Variants in ACSF3 observed in about 807,000 individuals in gnomAD.
The protein encoded by ACSF3 is acyl-CoA synthetase family member 3, also known as malonate--CoA ligase ACSF3, mitochondrial.
Under a neutral mutation model 53.2 loss-of-function variants are expected in ACSF3, and 78 were observed. The ratio of observed to expected loss-of-function variants is 1.47; its 90% CI spans 1.22 to 1.77. ACSF3 has a LOEUF of 1.77. Ranked by LOEUF, ACSF3 falls within the 40% of genes most tolerant of loss-of-function variation. The pLI is 0.00. For synonymous variants in ACSF3, 414 were observed against 333.1 expected, an observed-to-expected ratio of 1.24 and a Z score of -2.65; for missense variants, 937 against 771.1, an observed-to-expected ratio of 1.22 and a Z score of -2.55.
Position 89,100,690 on chromosome 16 carries a change from C to T in ACSF3, c.9C>T (p.Pro3=). ML[P]HVVLTFRRLG... ...GGCCGCCTGTCAGTGCAATGCTGCC[C>T]CATGTGGTGCTCACCTTCCGGCGCC... Residue 3 remains proline (P), a synonymous_variant, in exon 3 of 11, where the codon CCC becomes CCT. Transcript: ENST00000614302. 1 of 1,600,076 alleles carries T rather than the reference C, an allele frequency of 6.2e-7. No individual in the cohort carries two copies. The highest frequency in any genetic ancestry group is 8.5e-7 in the Non-Finnish European group (1 of 1,179,502).
At chr16:89,136,613 G>A (rs1365270310) in intron 8 of ACSF3, 1 of 1,287,114 alleles carries the variant, frequency 7.8e-7, no homozygotes, top group Non-Finnish European at 1.0e-6. Flanking sequence ...GGGATGGCTG[G>A]ACACAGCTGA....
intron 9 of ACSF3, 53 bp downstream of exon 9, chr16:89,145,454 CATGTTTGAGTTT>C: frequency 6.2e-7 from 1 of 1,606,636 alleles, no homozygotes; most frequent in Admixed American, 1.7e-5. Flanking sequence ...TGCTGCCTTC[CATGTTTGAGTTT>C]TAGACGACTG....
intron 6 of ACSF3, 102 bp from the exon 7 acceptor site, chr16:89,120,699 G>A (rs1340061343): frequency 1.1e-5 from 13 of 1,132,860 alleles, no homozygotes; most frequent in Non-Finnish European, 1.5e-5. Flanking sequence ...ACTCCCGCAC[G>A]TGGCACACGG....
intron 3 of ACSF3, among the ~76,000 whole-genome samples, chr16:89,101,608 C>T (rs1402087656): frequency 1.3e-5 from 2 of 152,182 alleles, no homozygotes; most frequent in South Asian, 2.1e-4. Flanking sequence ...GACCATGCGG[C>T]ATGAGGTCAG....
intron 7 of ACSF3, among the ~76,000 whole-genome samples, chr16:89,130,676 G>A (rs1418943452): frequency 1.3e-5 from 2 of 152,230 alleles, no homozygotes; most frequent in African/African-American, 4.8e-5. Flanking sequence ...CTGTGTGTCA[G>A]TGATTGGATT....
chr16:89,124,474 A>G (rs978948266), intron 7 of ACSF3, among the ~76,000 whole-genome samples: 4 of 97,202 alleles, frequency 4.1e-5, no homozygotes, highest in Non-Finnish European at 9.4e-5. Flanking sequence ...CATGTGTGAT[A>G]CCCGTGCACA....
At position 89,114,385 on chromosome 16, in the gene ACSF3, A is replaced by G. The variant is rs780881397; in HGVS notation, c.1024A>G (p.Lys342Glu). Residue 342 changes from lysine (K) to glutamate (E), a missense_variant, in exon 6 of 11, where the codon AAG becomes GAG. Transcript: ENST00000614302. Reference sequence around the variant, plus strand: ...TGCCCTGCCCCTCCCAGTGCTGGAGAAGTGGAAGAACATCACGGGCCACAC... The same window carrying G: ...TGCCCTGCCCCTCCCAGTGCTGGAGGAGTGGAAGAACATCACGGGCCACAC... ...SAALPLPVLE[K>E]WKNITGHTLL... is the part of the protein sequence containing the mutation. The G allele has an allele frequency of 3.7e-6, 6 of 1,613,966 alleles. No homozygotes were observed. Among genetic ancestry groups the G allele is most frequent in the Non-Finnish European group, 5.1e-6 (6 of 1,179,990 alleles).
At position 89,136,882 on chromosome 16, in the gene ACSF3, A is replaced by G. The variant is rs1187053548; in HGVS notation, c.1366+3620A>G. ...TCTTCAGACGTCAAAGGTCTGTCTC[A>G]GGTAACTCCTCTGACGGCCACAACG... On this transcript the variant is annotated intron_variant, in intron 8 of 10. Coordinates refer to ENST00000614302, the MANE Select transcript of ACSF3 (RefSeq NM_001243279.3). 4 of 1,253,366 alleles carry G rather than the reference A, an allele frequency of 3.2e-6. No homozygotes were observed. The African/African-American group carries it at 4.6e-5, about 14-fold the overall frequency. The allele number at this position is 1,253,366 out of a possible 1,614,324, so 77.6% of individuals were successfully genotyped here.
chr16:89,137,011 G>A (rs529017068), intron 8 of ACSF3, among the ~76,000 whole-genome samples: 3 of 152,298 alleles, frequency 2.0e-5, no homozygotes, highest in Admixed American at 6.5e-5. Flanking sequence ...AGACACACGC[G>A]CACATTTGCC....
At chr16:89,112,601 C>T (rs1207854102) in intron 5 of ACSF3, among the ~76,000 whole-genome samples, 1 of 152,060 alleles carries the variant, frequency 6.6e-6, no homozygotes, top group South Asian at 2.1e-4. Context: ...CCATCTCTGT[C>T]TTCTCTCTGT....
intron 2 of ACSF3, 138 bp from the exon 3 acceptor site, chr16:89,100,524 T>C (rs543338217): frequency 2.5e-5 from 21 of 837,386 alleles, no homozygotes; most frequent in Non-Finnish European, 3.7e-5. Flanking sequence ...GGACGTGGCC[T>C]GTCTGGTGCG....
At chr16:89,104,519 C>T (rs1975737321) in intron 4 of ACSF3, among the ~76,000 whole-genome samples, 1 of 152,220 alleles carries the variant, frequency 6.6e-6, no homozygotes, top group Non-Finnish European at 1.5e-5. Flanking sequence ...GCTCTGAGGC[C>T]TCTGACCGGG....
intron 4 of ACSF3, among the ~76,000 whole-genome samples, chr16:89,109,503 C>T (rs909771422): frequency 1.4e-5 from 2 of 139,214 alleles, no homozygotes; most frequent in African/African-American, 5.3e-5. Context: ...TCTCCGCCTC[C>T]TGGGTTCAAG....
intron 4 of ACSF3, among the ~76,000 whole-genome samples, chr16:89,110,440 C>A (rs1245298732): frequency 1.3e-5 from 2 of 152,194 alleles, no homozygotes; most frequent in African/African-American, 4.8e-5. Context: ...GACTTGGTTT[C>A]TTTGCCAAGA....
intron 2 of ACSF3, among the ~76,000 whole-genome samples, chr16:89,099,994 A>G (rs568060051): frequency 7.6e-6 from 1 of 130,972 alleles, no homozygotes; most frequent in African/African-American, 2.8e-5. Flanking sequence ...AAAAAAAAAA[A>G]GCTGGGTGTG....
chr16:89,121,796 C>T (rs1906710105), intron 7 of ACSF3, among the ~76,000 whole-genome samples: 1 of 152,226 alleles, frequency 6.6e-6, no homozygotes, highest in South Asian at 2.1e-4. Flanking sequence ...GAGTGAACAG[C>T]CACACGCCCT....
At chr16:89,121,325 G>A (rs751721074) in intron 7 of ACSF3, among the ~76,000 whole-genome samples, 4 of 152,230 alleles carry the variant, frequency 2.6e-5, no homozygotes, top group Non-Finnish European at 4.4e-5. Flanking sequence ...CCTGGCACCC[G>A]TCCTGAGGGG....
chr16:89,146,066 C>CGGGGGGGGGGGGGGGGGGGG lies in ACSF3; in HGVS notation c.1613+20_1613+21insGGGGGGGGGGGGGGGGGGGG. 2.3e-6 allele frequency: 1 copy of CGGGGGGGGGGGGGGGGGGGG among 440,128 alleles called. No individual in the cohort carries two copies. The highest frequency in any genetic ancestry group is 1.9e-5 in the South Asian group (1 of 54,044). The allele number at this position is 440,128 out of a possible 1,614,324, so 27.3% of individuals were successfully genotyped here. The stretch of plus-strand genomic sequence containing the variant: ...GTGGGCCAGGTAGGGCTGGGTGGGG[C>CGGGGGGGGGGGGGGGGGGGG]GGGCAGGGAGCACTCATGGGGTCTT... On this transcript the variant is annotated intron_variant, in intron 10 of 10. Transcript: ENST00000614302.
At chr16:89,129,558 T>C (rs1908859281) in intron 7 of ACSF3, among the ~76,000 whole-genome samples, 1 of 152,246 alleles carries the variant, frequency 6.6e-6, no homozygotes, top group South Asian at 2.1e-4. Flanking sequence ...TGTGTGTTTT[T>C]TAAATCCAGC....
Sources: allele counts gnomAD v4.1 joint callset (sites outside exome capture counted in the v4.1 genomes callset), GRCh38; gene constraint gnomAD v4.1.1; transcripts MANE v1.5; gene names NCBI Gene and HGNC (gene_info 2026-07-23, HGNC 2026-07-21).